HDAC8: variants seen among roughly 807,000 people sequenced by gnomAD.
The protein encoded by HDAC8 is histone deacetylase-like 1.
Under a neutral mutation model 32.2 loss-of-function variants are expected in HDAC8, and 1 was observed. The observed-to-expected ratio is 0.03, with a 90% CI of 0.01 to 0.15. HDAC8 has a LOEUF of 0.15. Ranked by LOEUF, HDAC8 falls within the 10% of genes least tolerant of loss-of-function variation. HDAC8 has a pLI of 1.00. For synonymous variants in HDAC8, 108 were observed against 113.9 expected (o/e 0.95, Z 0.33); for missense variants, 117 against 300.0 (o/e 0.39, Z 4.51).
At chrX:72,434,989 G>A (rs781878219) in intron 9 of HDAC8, among the ~76,000 whole-genome samples, 1 of 112,101 alleles carries the variant, frequency 8.9e-6, no homozygotes, top group African/African-American at 3.2e-5. Flanking sequence ...TAAAGTTTTA[G>A]TTACAAAAAT....
chrX:72,344,691 T>A (rs1369389007), intron 10 of HDAC8, among the ~76,000 whole-genome samples: 2 of 111,648 alleles, frequency 1.8e-5, no homozygotes, highest in Non-Finnish European at 3.8e-5. Context: ...TCAGTCGGTA[T>A]CCAGGCTGGA....
At chrX:72,541,406 G>A (rs2050704436) in intron 4 of HDAC8, among the ~76,000 whole-genome samples, 1 of 112,395 alleles carries the variant, frequency 8.9e-6, no homozygotes, top group African/African-American at 3.2e-5. Flanking sequence ...TTACCAGGGA[G>A]AGGAGAAAAG....
At chrX:72,447,177 C>T (rs1473122736) in intron 9 of HDAC8, among the ~76,000 whole-genome samples, 4 of 112,066 alleles carry the variant, frequency 3.6e-5, no homozygotes, top group African/African-American at 1.3e-4. Context: ...AACATCTATG[C>T]AAAAATGCTC....
At chrX:72,514,413 C>T (rs1037145435) in intron 4 of HDAC8, among the ~76,000 whole-genome samples, 14 of 111,951 alleles carry the variant, frequency 1.3e-4, no homozygotes, top group African/African-American at 4.2e-4. Flanking sequence ...GATATAAAAA[C>T]AGCATGAAGG....
chrX:72,563,662 T>C (rs1222223033), intron 4 of HDAC8, among the ~76,000 whole-genome samples: 1 of 112,486 alleles, frequency 8.9e-6, no homozygotes, highest in Non-Finnish European at 1.9e-5. Flanking sequence ...TAGGCATTCA[T>C]GTTATTTTAG....
At chrX:72,533,821 C>T (rs185664346) in intron 4 of HDAC8, among the ~76,000 whole-genome samples, 299 of 111,375 alleles carry the variant, frequency 2.7e-3, no homozygotes, top group Middle Eastern at 9.3e-3. Flanking sequence ...CACCTTTTCA[C>T]GATATAAACA....
intron 2 of HDAC8, among the ~76,000 whole-genome samples, chrX:72,571,553 C>CTTTTTTTTTTTTTTTTTTTT (rs782331910): frequency 3.3e-5 from 1 of 30,451 alleles, no homozygotes; most frequent in Non-Finnish European, 5.9e-5. Flanking sequence ...TTCTTTCTTT[C>CTTTTTTTTTTTTTTTTTTTT]TTTTTTTTTT....
intron 9 of HDAC8, among the ~76,000 whole-genome samples, chrX:72,443,445 T>C (rs1360861408): frequency 9.0e-6 from 1 of 110,731 alleles, no homozygotes; most frequent in East Asian, 2.8e-4. Context: ...ACTGGGTACA[T>C]AACGAAATGA....
intron 8 of HDAC8, 190 bp downstream of exon 8, chrX:72,464,369 G>A: frequency 4.4e-6 from 2 of 452,295 alleles, no homozygotes; most frequent in Admixed American, 6.7e-5. Context: ...CACATGCTAA[G>A]CTGAGAAGTG....
At chrX:72,348,744 A>T (rs2147730262) in intron 10 of HDAC8, among the ~76,000 whole-genome samples, 1 of 111,744 alleles carries the variant, frequency 8.9e-6, no homozygotes, top group South Asian at 3.8e-4. Context: ...TTAGCCATGT[A>T]GTTTCTCTTC....
Position 72,329,669 on chromosome X carries a change from G to A in HDAC8, c.*385C>T. ...GAGGCCCAAACCCTGCCTGTCAGCT[G>A]CCTCCTGCCCTACAAACTGGTGACT... On this transcript the variant is annotated 3_prime_UTR_variant, in exon 11 of 11. Coordinates refer to ENST00000373573, the MANE Select transcript of HDAC8 (RefSeq NM_018486.3). 1 of 1,187,090 alleles carries A rather than the reference G, an allele frequency of 8.4e-7. No individual in the cohort carries two copies. The highest frequency in any genetic ancestry group is 2.3e-5 in the Admixed American group (1 of 42,654).
At chrX:72,363,286 C>T (rs1238273888) in intron 9 of HDAC8, among the ~76,000 whole-genome samples, 2 of 112,005 alleles carry the variant, frequency 1.8e-5, no homozygotes, top group African/African-American at 6.5e-5. Context: ...AGCCTACACA[C>T]GAAGGTTTTT....
intron 9 of HDAC8, among the ~76,000 whole-genome samples, chrX:72,449,756 T>G (rs2047523596): frequency 9.0e-6 from 1 of 111,177 alleles, no homozygotes; most frequent in African/African-American, 3.3e-5. Flanking sequence ...AGAAACTCAC[T>G]TCAAATGTAA....
At chrX:72,446,073 T>C (rs2047381333) in intron 9 of HDAC8, among the ~76,000 whole-genome samples, 1 of 112,101 alleles carries the variant, frequency 8.9e-6, no homozygotes, top group Non-Finnish European at 1.9e-5. Context: ...AGGAACACTT[T>C]TACACTGTTG....
intron 4 of HDAC8, among the ~76,000 whole-genome samples, chrX:72,538,349 A>C (rs2050598625): frequency 9.1e-6 from 1 of 109,626 alleles, no homozygotes; most frequent in Non-Finnish European, 1.9e-5. Context: ...ACACCTGGTT[A>C]ATTTTTTAAT....
chrX:72,382,216 C>T (rs992453304), intron 9 of HDAC8, among the ~76,000 whole-genome samples: 5 of 112,382 alleles, frequency 4.4e-5, no homozygotes, highest in African/African-American at 6.5e-5. Flanking sequence ...TGTCTGAAGA[C>T]GAGGAATTGC....
chrX:72,479,266 T>C (rs1160377378), intron 7 of HDAC8, among the ~76,000 whole-genome samples: 2 of 111,417 alleles, frequency 1.8e-5, no homozygotes, highest in Non-Finnish European at 3.8e-5. Context: ...GACTAAAGAA[T>C]GTGGGAGAGA....
At chrX:72,475,443 T>C (rs1250317716) in intron 7 of HDAC8, among the ~76,000 whole-genome samples, 3 of 111,995 alleles carry the variant, frequency 2.7e-5, no homozygotes, top group African/African-American at 9.7e-5. Context: ...CGTTCAACTT[T>C]CCATAGGTAT....
At chrX:72,499,720 T>C (rs190156404) in intron 4 of HDAC8, among the ~76,000 whole-genome samples, 1 of 111,294 alleles carries the variant, frequency 9.0e-6, no homozygotes, top group East Asian at 2.8e-4. Flanking sequence ...TAACTTAACA[T>C]TGCAACTGAA....
Sources: gnomAD v4.1 joint callset for allele counts (sites outside exome capture counted in the v4.1 genomes callset) on GRCh38, gnomAD v4.1.1 for gene constraint, MANE v1.5 for transcripts, NCBI Gene and HGNC (gene_info 2026-07-23, HGNC 2026-07-21) for gene names.